The following FIG4 variants were observed in gnomAD, a reference collection of about 807,000 sequenced individuals.
The protein encoded by FIG4 is polyphosphoinositide phosphatase.
Under a neutral mutation model 118.6 loss-of-function variants are expected in FIG4, and 112 were observed. That is an observed-to-expected ratio of 0.94 (90% CI 0.81 to 1.11). The LOEUF is 1.11. Among genes scored for constraint, FIG4 ranks in the 50% least tolerant of loss-of-function variants. The pLI is 0.00. For synonymous variants in FIG4, 369 were observed against 381.2 expected (o/e 0.97, Z 0.37); for missense variants, 969 against 1,111.7 (o/e 0.87, Z 1.83).
chr6:109,715,036 A>C (rs779135843), intron 1 of FIG4, 42 bp from the exon 2 acceptor site: 4 of 1,167,004 alleles, frequency 3.4e-6, no homozygotes, highest in Non-Finnish European at 5.2e-6. Context: ...TGTATAGGGC[A>C]AAATGCTTTG....
intron 22 of FIG4, among the ~76,000 whole-genome samples, chr6:109,805,274 C>T (rs1024011672): frequency 6.6e-6 from 1 of 152,130 alleles, no homozygotes; most frequent in African/African-American, 2.4e-5. Flanking sequence ...AGAGAATTTC[C>T]TCCCATAGGC....
At chr6:109,824,943 G>A (rs941231577) in intron 22 of FIG4, 145 bp from the exon 23 acceptor site, 5 of 738,638 alleles carry the variant, frequency 6.8e-6, no homozygotes, top group Non-Finnish European at 1.2e-5. Context: ...AGCCTCGCAA[G>A]GACTGGGGAG....
intron 22 of FIG4, among the ~76,000 whole-genome samples, chr6:109,807,253 A>G (rs989823996): frequency 1.3e-5 from 2 of 152,190 alleles, no homozygotes; most frequent in Non-Finnish European, 2.9e-5. Flanking sequence ...CTATTTCTCC[A>G]CATCTTCTCC....
At chr6:109,769,219 C>T (rs1011453319) in intron 15 of FIG4, among the ~76,000 whole-genome samples, 2 of 151,866 alleles carry the variant, frequency 1.3e-5, no homozygotes, top group Non-Finnish European at 2.9e-5. Flanking sequence ...TCTCCTGCCT[C>T]AGCCTCCGGA....
intron 5 of FIG4, among the ~76,000 whole-genome samples, chr6:109,733,949 G>T (rs550897254): frequency 1.3e-5 from 2 of 151,986 alleles, no homozygotes; most frequent in Admixed American, 1.3e-4. Flanking sequence ...TTTTAAAAAG[G>T]TTATAATATA....
intron 10 of FIG4, among the ~76,000 whole-genome samples, chr6:109,749,047 A>C (rs1776600944): frequency 7.5e-6 from 1 of 132,840 alleles, no homozygotes. Flanking sequence ...CATGGGCTCA[A>C]AGGAGCTCTG....
At chr6:109,739,071 T>C (rs1047376418) in intron 7 of FIG4, among the ~76,000 whole-genome samples, 4 of 152,112 alleles carry the variant, frequency 2.6e-5, no homozygotes, top group African/African-American at 9.7e-5. Context: ...ATTTGCAAAG[T>C]AGTATTTAGG....
chr6:109,796,660 A>G, intron 21 of FIG4, 105 bp from the exon 22 acceptor site: 1 of 785,954 alleles, frequency 1.3e-6, no homozygotes, highest in African/African-American at 1.7e-5. Flanking sequence ...TTTCTGAAAT[A>G]AGCATACTAC....
chr6:109,767,425 T>A (rs887279889), intron 15 of FIG4, among the ~76,000 whole-genome samples: 1 of 152,152 alleles, frequency 6.6e-6, no homozygotes, highest in Non-Finnish European at 1.5e-5. Flanking sequence ...GAATTGCCAA[T>A]ACAATAGGTA....
chr6:109,772,965 A>G (rs1047963027), intron 15 of FIG4, among the ~76,000 whole-genome samples: 3 of 152,176 alleles, frequency 2.0e-5, no homozygotes, highest in African/African-American at 7.2e-5. Flanking sequence ...CTGGGCTTTT[A>G]CCTGGAGGCT....
chr6:109,767,436 T>A (rs1175767334), intron 15 of FIG4, among the ~76,000 whole-genome samples: 1 of 152,170 alleles, frequency 6.6e-6, no homozygotes, highest in Admixed American at 6.5e-5. Flanking sequence ...ACAATAGGTA[T>A]CACAGACCAA....
At chr6:109,778,626 C>T (rs2128394884) in intron 16 of FIG4, among the ~76,000 whole-genome samples, 1 of 151,950 alleles carries the variant, frequency 6.6e-6, no homozygotes, top group South Asian at 2.1e-4. Flanking sequence ...GGAGACAGAG[C>T]CTCACTCTGT....
At chr6:109,777,327 T>G (rs1483957956) in intron 16 of FIG4, among the ~76,000 whole-genome samples, 1 of 152,202 alleles carries the variant, frequency 6.6e-6, no homozygotes, top group Non-Finnish European at 1.5e-5. Flanking sequence ...TCTGGCCACA[T>G]GCTTGCCATG....
intron 1 of FIG4, among the ~76,000 whole-genome samples, chr6:109,711,137 T>C (rs1384130742): frequency 6.6e-6 from 1 of 152,108 alleles, no homozygotes; most frequent in Non-Finnish European, 1.5e-5. Context: ...TGGTGGCTTA[T>C]GCCTGTAATC....
rs769229381 is a variant in FIG4, at chr6:109,765,171, A to AT, written c.1583+16dup. 1.3e-5 allele frequency: 21 copies of AT among 1,613,306 alleles called. No homozygotes were observed. Among genetic ancestry groups the AT allele is most frequent in the Non-Finnish European group, 1.5e-5 (18 of 1,179,418 alleles). On this transcript the variant is annotated intron_variant, in intron 14 of 22. Coordinates refer to ENST00000230124, the MANE Select transcript of FIG4 (RefSeq NM_014845.6). Reference sequence around the variant, plus strand: ...ATACAGATGCAGTTAGGTAAGTCTTATTTTTTGCTATTTGAATGCTGATAA... The same window carrying AT: ...ATACAGATGCAGTTAGGTAAGTCTTATTTTTTTGCTATTTGAATGCTGATAA...
chr6:109,803,188 G>A (rs557412549), intron 22 of FIG4, among the ~76,000 whole-genome samples: 1 of 152,282 alleles, frequency 6.6e-6, no homozygotes, highest in East Asian at 1.9e-4. Context: ...TTACATTTGC[G>A]TTTTGGAAAG....
At chr6:109,724,918 C>G (rs1479247205) in intron 3 of FIG4, among the ~76,000 whole-genome samples, 2 of 151,662 alleles carry the variant, frequency 1.3e-5, no homozygotes, top group Non-Finnish European at 1.5e-5. Flanking sequence ...GCAGTGTTAA[C>G]TGTATGCATC....
In FIG4 at chr6:109,691,480, G is replaced by A. The variant is rs1222771272; in HGVS notation, c.45G>A (p.Leu15=). The A allele has an allele frequency of 1.3e-6, 2 of 1,584,104 alleles. No individual in the cohort carries two copies. The highest frequency in any genetic ancestry group is 1.2e-5 in the South Asian group (1 of 86,820). ...CCATCATCAGCTCGGTCCAGAAGCT[G>A]GTTCTGTATGAGACTAGAGCTGTGA... ...AAPIISSVQK[L]VLYETRARYF... is the part of the protein sequence containing the mutation. The change falls in exon 1 of 23, where the codon CTG becomes CTA. Residue 15 remains leucine, a synonymous_variant. Coordinates refer to ENST00000230124, the MANE Select transcript of FIG4 (RefSeq NM_014845.6).
At chr6:109,732,253 G>T (rs12215385) in intron 4 of FIG4, among the ~76,000 whole-genome samples, 7,076 of 152,214 alleles carry the variant, frequency 0.046, 382 homozygotes, top group East Asian at 0.23. Context: ...ACTTAAAATT[G>T]TGGTGACCCA....
Sources: gnomAD v4.1 joint callset for allele counts (sites outside exome capture counted in the v4.1 genomes callset) on GRCh38, gnomAD v4.1.1 for gene constraint, MANE v1.5 for transcripts, NCBI Gene and HGNC (gene_info 2026-07-23, HGNC 2026-07-21) for gene names.